ATG7: variants seen among roughly 807,000 people sequenced by gnomAD.
ATG7 encodes autophagy related 7.
A neutral mutation model predicts 82.4 loss-of-function variants in ATG7; 70 were observed. The ratio of observed to expected loss-of-function variants is 0.85; its 90% CI spans 0.70 to 1.04. The LOEUF (loss-of-function observed/expected upper bound fraction) is 1.04. Ranked by LOEUF, ATG7 falls within the 50% of genes least tolerant of loss-of-function variation. ATG7 has a pLI of 0.00. For synonymous variants in ATG7, 287 were observed against 313.0 expected (o/e 0.92, Z 0.88); for missense variants, 792 against 864.3 (o/e 0.92, Z 1.05).
intron 20 of ATG7, among the ~76,000 whole-genome samples, chr3:11,495,471 G>C (rs935445016): frequency 2.6e-4 from 39 of 152,114 alleles, no homozygotes; most frequent in African/African-American, 9.7e-5. Flanking sequence ...CAGACATCTT[G>C]ATAATGCCAG....
At chr3:11,574,785 A>ATGTGTGTG in the ATG7 span, among the ~76,000 whole-genome samples, 4,534 of 121,630 alleles carry the variant, frequency 0.037, 151 homozygotes, top group East Asian at 0.098. Context: ...TCAACTATAT[A>ATGTGTGTG]TGTGTGTGTG....
intron 14 of ATG7, 113 bp from the exon 15 acceptor site, chr3:11,358,305 G>A (rs1410289294): frequency 3.9e-6 from 4 of 1,016,672 alleles, no homozygotes; most frequent in Non-Finnish European, 5.9e-6. Flanking sequence ...AGTGCACAGG[G>A]AGCTCTCATG....
At chr3:11,295,711 G>A (rs1041634921) in intron 3 of ATG7, among the ~76,000 whole-genome samples, 2 of 151,458 alleles carry the variant, frequency 1.3e-5, no homozygotes, top group African/African-American at 4.9e-5. Context: ...GTAGATATAT[G>A]TACTGTCCTG....
intron 20 of ATG7, among the ~76,000 whole-genome samples, chr3:11,463,353 A>T (rs576665193): frequency 7.2e-5 from 11 of 152,382 alleles, no homozygotes; most frequent in African/African-American, 2.6e-4. Context: ...CAAAAAGTAG[A>T]CAGTGATCCT....
At chr3:11,563,252 C>T in the ATG7 span, among the ~76,000 whole-genome samples, 6 of 152,212 alleles carry the variant, frequency 3.9e-5, no homozygotes, top group African/African-American at 4.8e-5. Flanking sequence ...CCCCTCCATA[C>T]CCGTGTCCTT....
At chr3:11,529,002 G>A (rs1181925454) in intron 20 of ATG7, among the ~76,000 whole-genome samples, 1 of 152,046 alleles carries the variant, frequency 6.6e-6, no homozygotes, top group African/African-American at 2.4e-5. Context: ...GATGGGAACT[G>A]CAAAGGTGGG....
intron 5 of ATG7, 73 bp from the exon 6 acceptor site, chr3:11,306,870 A>C: frequency 8.9e-7 from 1 of 1,127,290 alleles, no homozygotes; most frequent in Non-Finnish European, 1.3e-6. Flanking sequence ...ATCCCACTAC[A>C]GTGGTGGTTG....
intron 20 of ATG7, among the ~76,000 whole-genome samples, chr3:11,533,535 C>G (rs2092731213): frequency 1.2e-5 from 1 of 81,856 alleles, no homozygotes. Context: ...AATCCCCCTT[C>G]TGTTAAAAAA....
intron 18 of ATG7, among the ~76,000 whole-genome samples, chr3:11,368,105 T>G (rs1336325292): frequency 6.6e-6 from 1 of 151,912 alleles, no homozygotes; most frequent in African/African-American, 2.4e-5. Flanking sequence ...GATTTTGAAC[T>G]TCTGTAAATG....
chr3:11,568,504 C>A, the ATG7 span: 32 of 1,479,524 alleles, frequency 2.2e-5, no homozygotes, highest in Non-Finnish European at 2.9e-5. This position sits in a 1 kb window ranked among gnomAD's most constrained non-coding sequence, Gnocchi z 5.9. Context: ...CCGTGGAACA[C>A]AGCACAGTGG....
the ATG7 span, among the ~76,000 whole-genome samples, chr3:11,565,469 C>T: frequency 6.6e-6 from 1 of 152,150 alleles, no homozygotes; most frequent in African/African-American, 2.4e-5. This position sits in a 1 kb window ranked among gnomAD's most constrained non-coding sequence, Gnocchi z 4.1. Flanking sequence ...AGCCCATCTT[C>T]CTCACAGTAC....
intron 18 of ATG7, among the ~76,000 whole-genome samples, chr3:11,378,685 C>CAAAAAAAAAAAAAAAAA (rs368506515): frequency 1.3e-5 from 1 of 78,936 alleles, no homozygotes; most frequent in African/African-American, 7.0e-5. Context: ...ACTCCATCTC[C>CAAAAAAAAAAAAAAAAA]AAAAAAAAAA....
the ATG7 span, among the ~76,000 whole-genome samples, chr3:11,566,180 G>C: frequency 9.2e-5 from 14 of 152,112 alleles, no homozygotes; most frequent in African/African-American, 3.4e-4. Context: ...ACAATGTTAC[G>C]CATGCACACA....
At chr3:11,442,760 A>C (rs1459674978) in intron 20 of ATG7, among the ~76,000 whole-genome samples, 1 of 147,580 alleles carries the variant, frequency 6.8e-6, no homozygotes, top group African/African-American at 2.5e-5. Context: ...AAAAAAAAAA[A>C]AAAAAAAAAA....
chr3:11,316,108 C>G (rs1949375184), intron 9 of ATG7, among the ~76,000 whole-genome samples: 1 of 152,114 alleles, frequency 6.6e-6, no homozygotes, highest in Admixed American at 6.6e-5. Context: ...ATTCCCAGAA[C>G]TACCCTGTAG....
At chr3:11,558,424 T>C (rs1180291151), downstream of ATG7, 3 of 1,374,014 alleles carry the variant, frequency 2.2e-6, no homozygotes, top group East Asian at 2.5e-5. Context: ...CCCAACAACA[T>C]GGTTTTTGCA....
chr3:11,285,554 A>G (rs1943853410), intron 3 of ATG7, among the ~76,000 whole-genome samples: 2 of 152,126 alleles, frequency 1.3e-5, no homozygotes, highest in South Asian at 4.1e-4. Context: ...TTACATAGGT[A>G]TATGCCTTGT....
At chr3:11,558,911 C>G, downstream of ATG7, 1 of 1,503,548 alleles carries the variant, frequency 6.7e-7, no homozygotes, top group Non-Finnish European at 9.0e-7. Flanking sequence ...CCTCAGGCAG[C>G]CCAGAGCCGG....
chr3:11,468,500 G>A (rs146473773), intron 20 of ATG7, among the ~76,000 whole-genome samples: 83 of 152,292 alleles, frequency 5.5e-4, no homozygotes, highest in Non-Finnish European at 1.0e-3. Context: ...TGGGACTTAG[G>A]CACTGGGCCA....
Sources: allele counts gnomAD v4.1 joint callset (sites outside exome capture counted in the v4.1 genomes callset), GRCh38; gene constraint gnomAD v4.1.1; non-coding constraint Gnocchi (gnomAD v3.1); transcripts MANE v1.5; gene names NCBI Gene and HGNC (gene_info 2026-07-23, HGNC 2026-07-21).